The following LTBP1 variants were observed in gnomAD, a reference collection of about 807,000 sequenced individuals.
LTBP1 encodes latent transforming growth factor beta binding protein 1.
LTBP1 carries 129 observed loss-of-function variants against 207.6 expected under a neutral mutation model. That is an observed-to-expected ratio of 0.62 (90% CI 0.54 to 0.72). LTBP1 has a LOEUF of 0.72. Ranked by LOEUF, LTBP1 falls within the 30% of genes least tolerant of loss-of-function variation. The pLI is 0.00. For missense variants in LTBP1, 2,281 were observed against 2,217.2 expected, an observed-to-expected ratio of 1.03 and a Z score of -0.58; for synonymous variants, 963 against 833.7, an observed-to-expected ratio of 1.16 and a Z score of -2.67.
intron 2 of LTBP1, among the ~76,000 whole-genome samples, chr2:32,992,802 C>T (rs141965709): frequency 3.9e-5 from 6 of 151,978 alleles, no homozygotes; most frequent in African/African-American, 7.2e-5. Context: ...TTCAGGGTGG[C>T]GCATGGAGGA....
At chr2:33,242,392 C>A (rs1350957199) in intron 9 of LTBP1, among the ~76,000 whole-genome samples, 1 of 152,164 alleles carries the variant, frequency 6.6e-6, no homozygotes, top group African/African-American at 2.4e-5. Flanking sequence ...TCTCCATATG[C>A]AGAGTATCTT....
Position 33,314,870 on chromosome 2 carries a change from G to A in LTBP1, c.3605-274G>A, listed in dbSNP as rs117763249. 8.8e-4 allele frequency among the ~76,000 whole-genome samples: 134 copies of A among 152,302 alleles called. 2 individuals carry two copies. In the East Asian group the frequency reaches 0.026, roughly 29 times the overall value. On this transcript the variant is annotated intron_variant, in intron 23 of 33. Coordinates refer to ENST00000404816, the MANE Select transcript of LTBP1 (RefSeq NM_206943.4). ...GTGGAGTATTCCTCAAGCCCCATAT[G>A]TCTAAAATAAGGGTAGCTTTGGGTT...
At chr2:33,216,096 T>G (rs778201087) in intron 7 of LTBP1, among the ~76,000 whole-genome samples, 1 of 152,202 alleles carries the variant, frequency 6.6e-6, no homozygotes, top group Non-Finnish European at 1.5e-5. Context: ...TGTTTGTTCC[T>G]TTCTTCATGC....
At chr2:33,382,707 A>T (rs1406658511) in intron 31 of LTBP1, among the ~76,000 whole-genome samples, 1 of 152,200 alleles carries the variant, frequency 6.6e-6, no homozygotes, top group Non-Finnish European at 1.5e-5. Context: ...AAATGGAGAA[A>T]CTAAGGCTAA....
intron 3 of LTBP1, among the ~76,000 whole-genome samples, chr2:33,068,450 T>C (rs1558590541): frequency 1.3e-5 from 2 of 152,250 alleles, no homozygotes; most frequent in African/African-American, 4.8e-5. Flanking sequence ...CTCATCATCA[T>C]CGTCCAGAGT....
At chr2:33,181,386 A>G (rs1247645938) in intron 5 of LTBP1, among the ~76,000 whole-genome samples, 2 of 152,230 alleles carry the variant, frequency 1.3e-5, no homozygotes, top group African/African-American at 4.8e-5. Flanking sequence ...GAGTACTGCA[A>G]GTTGTTTTAC....
At chr2:33,142,649 G>A (rs1226356495) in intron 5 of LTBP1, among the ~76,000 whole-genome samples, 1 of 152,136 alleles carries the variant, frequency 6.6e-6, no homozygotes, top group African/African-American at 2.4e-5. Flanking sequence ...AGGGCAGTGG[G>A]GCGGGGGGCA....
chr2:33,236,790 T>TC (rs2092073921), intron 9 of LTBP1, among the ~76,000 whole-genome samples: 1 of 152,218 alleles, frequency 6.6e-6, no homozygotes, highest in South Asian at 2.1e-4. Flanking sequence ...CAGTCATGAA[T>TC]CCAAGACCAA....
chr2:33,318,058 A>G (rs980091869), intron 24 of LTBP1: 1 of 152,226 alleles, frequency 6.6e-6, no homozygotes, highest in Admixed American at 6.5e-5. Context: ...GGAAATGCTC[A>G]TTGAGCATTG....
At chr2:33,047,933 C>T (rs2149474143) in intron 3 of LTBP1, among the ~76,000 whole-genome samples, 1 of 152,240 alleles carries the variant, frequency 6.6e-6, no homozygotes, top group South Asian at 2.1e-4. Context: ...ACTAGGATTG[C>T]AACCTCTGCT....
At chr2:33,070,520 C>T (rs964446093) in intron 3 of LTBP1, among the ~76,000 whole-genome samples, 1 of 152,330 alleles carries the variant, frequency 6.6e-6, no homozygotes, top group African/African-American at 2.4e-5. Context: ...CTCACCTAAG[C>T]GGATACCTCT....
At chr2:33,180,418 C>G (rs575702733) in intron 5 of LTBP1, among the ~76,000 whole-genome samples, 1 of 151,424 alleles carries the variant, frequency 6.6e-6, no homozygotes, top group African/African-American at 2.4e-5. Flanking sequence ...AATGAAAAGG[C>G]AAGCATATAG....
chr2:33,232,623 A>G (rs1165735895), intron 9 of LTBP1, among the ~76,000 whole-genome samples: 1 of 152,184 alleles, frequency 6.6e-6, no homozygotes, highest in African/African-American at 2.4e-5. Flanking sequence ...GCCAAATAAA[A>G]TCCAGAACCC....
At chr2:33,198,501 G>A (rs1397585537) in intron 7 of LTBP1, among the ~76,000 whole-genome samples, 1 of 152,166 alleles carries the variant, frequency 6.6e-6, no homozygotes, top group Non-Finnish European at 1.5e-5. Context: ...ACCTCTGGTA[G>A]AATTCGGCTG....
intron 5 of LTBP1, among the ~76,000 whole-genome samples, chr2:33,142,335 G>A (rs534460123): frequency 2.0e-5 from 3 of 152,250 alleles, no homozygotes; most frequent in African/African-American, 4.8e-5. Context: ...GATTACAGGC[G>A]TGAGCCACCT....
intron 19 of LTBP1, among the ~76,000 whole-genome samples, chr2:33,290,536 A>G (rs1183943400): frequency 6.6e-6 from 1 of 152,210 alleles, no homozygotes; most frequent in Admixed American, 6.5e-5. Context: ...TTCTGTCTGC[A>G]AGCTGGATAA....
At chr2:33,089,132 G>T (rs2078927311) in intron 3 of LTBP1, among the ~76,000 whole-genome samples, 1 of 146,840 alleles carries the variant, frequency 6.8e-6, no homozygotes, top group African/African-American at 2.5e-5. Context: ...CTCCAGCCTG[G>T]GTGATAGAGT....
chr2:33,398,610 T>C lies in LTBP1; in HGVS notation c.*65T>C, dbSNP rs2150828126. 2.7e-6 allele frequency: 4 copies of C among 1,465,770 alleles called. No homozygotes were observed. Among genetic ancestry groups the C allele is most frequent in the Non-Finnish European group, 3.7e-6 (4 of 1,086,308 alleles). The allele number at this position is 1,465,770 out of a possible 1,614,324, so 90.8% of individuals were successfully genotyped here. On this transcript the variant is annotated 3_prime_UTR_variant, in exon 34 of 34. Transcript: ENST00000404816. The stretch of plus-strand genomic sequence containing the variant: ...GTGTAAAGGAAAAGGGAGAAATGTA[T>C]TATACTTGAGACATTGCACCTACCC...
Position 33,175,340 on chromosome 2 carries a change from G to C in LTBP1, c.1202-11516G>C, listed in dbSNP as rs543425288. 1.3e-3 allele frequency among the ~76,000 whole-genome samples: 204 copies of C among 151,896 alleles called. 1 individual carries two copies. Among genetic ancestry groups the C allele is most frequent in the African/African-American group, 4.7e-3 (196 of 41,408 alleles). ...AAAACAACCCCATCAAAAAGTGGGC[G>C]AAGGATATGAACAGACACTTCTCAA... is the stretch of plus-strand genomic sequence containing the variant. On this transcript the variant is annotated intron_variant, in intron 5 of 33. Coordinates refer to ENST00000404816, the MANE Select transcript of LTBP1 (RefSeq NM_206943.4).
Sources: gnomAD v4.1 joint callset for allele counts (sites outside exome capture counted in the v4.1 genomes callset) on GRCh38, gnomAD v4.1.1 for gene constraint, MANE v1.5 for transcripts, NCBI Gene and HGNC (gene_info 2026-07-23, HGNC 2026-07-21) for gene names.